The following CHKA variants were observed in gnomAD, a reference collection of about 807,000 sequenced individuals.
CHKA encodes CHETK-alpha.
A neutral mutation model predicts 60.1 loss-of-function variants in CHKA; 34 were observed. The observed-to-expected ratio is 0.57, with a 90% CI of 0.43 to 0.75. CHKA has a LOEUF of 0.75. CHKA is among the 30% of genes least tolerant of loss of function. CHKA has a pLI of 0.00. For synonymous variants in CHKA, 217 were observed against 223.1 expected, an observed-to-expected ratio of 0.97 and a Z score of 0.24; for missense variants, 563 against 561.3, an observed-to-expected ratio of 1.00 and a Z score of -0.03.
At chr11:68,086,911 G>A (rs1210044570) in intron 2 of CHKA, among the ~76,000 whole-genome samples, 6 of 152,160 alleles carry the variant, frequency 3.9e-5, no homozygotes, top group South Asian at 2.1e-4. Context: ...GCGTGAACCC[G>A]GGAGGCGGAG....
At chr11:68,107,986 A>G (rs1373857936) in intron 1 of CHKA, among the ~76,000 whole-genome samples, 1 of 152,228 alleles carries the variant, frequency 6.6e-6, no homozygotes, top group East Asian at 1.9e-4. Context: ...CCCACCACGC[A>G]GCAGAACGAG....
At chr11:68,061,805 T>G in intron 11 of CHKA, 148 bp downstream of exon 11, 1 of 685,928 alleles carries the variant, frequency 1.5e-6, no homozygotes, top group East Asian at 2.9e-5. Flanking sequence ...ACTGTCCTGA[T>G]GCCACCAGGT....
At chr11:68,098,271 C>A (rs1331168336) in intron 1 of CHKA, among the ~76,000 whole-genome samples, 54 of 120,706 alleles carry the variant, frequency 4.5e-4, no homozygotes, top group African/African-American at 5.5e-4. Flanking sequence ...ACTCCTATCT[C>A]AAAAAAAAAA....
chr11:68,081,978 C>T (rs1857003119), intron 2 of CHKA: 1 of 152,406 alleles, frequency 6.6e-6, no homozygotes, highest in Non-Finnish European at 1.5e-5. Context: ...TGCCGACTCG[C>T]CACTTTCCCA....
Position 68,120,804 on chromosome 11 carries a change from GC to G in CHKA, c.350+23del. ...CCCCGCGTCACCTGACTGTCCCGCG[GC>G]CCCCAGACCCGGCGCCACCGACCTG... is the stretch of plus-strand genomic sequence containing the variant. On this transcript the variant is annotated intron_variant, in intron 1 of 11. Transcript: ENST00000265689. 1.8e-5 allele frequency: 22 copies of G among 1,190,756 alleles called. No individual in the cohort carries two copies. The South Asian group carries it at 2.4e-4, about 13-fold the overall frequency. 73.8% of individuals were successfully genotyped at this position (1,190,756 alleles called of 1,614,324 possible). A position where few individuals can be genotyped will look rare whatever the true frequency, so the allele number is the denominator to read the frequency against.
chr11:68,115,143 T>C (rs1377467884), intron 1 of CHKA, among the ~76,000 whole-genome samples: 1 of 152,236 alleles, frequency 6.6e-6, no homozygotes, highest in Non-Finnish European at 1.5e-5. Flanking sequence ...TTAGATTACT[T>C]TGCCCAACTG....
chr11:68,085,848 C>T (rs1014288974), intron 2 of CHKA, among the ~76,000 whole-genome samples: 26 of 152,038 alleles, frequency 1.7e-4, no homozygotes, highest in African/African-American at 6.3e-4. Context: ...ACTGCAACCT[C>T]CACCTCCTGG....
In CHKA at chr11:68,081,096, C is replaced by T. The variant is rs142563177; in HGVS notation, c.516+308G>A. Among the ~76,000 whole-genome samples the T allele has an allele frequency of 1.6e-3, 248 of 152,266 alleles. 1 individual carries two copies. Among genetic ancestry groups the T allele is most frequent in the African/African-American group, 5.7e-3 (239 of 41,576 alleles). The stretch of plus-strand genomic sequence containing the variant: ...GCATCACAGCAGCGGCAGCCAGGGC[C>T]TCCTCATCAGGTACCACACACGAAT... On this transcript the variant is annotated intron_variant, in intron 3 of 11. Transcript: ENST00000265689.
At chr11:68,090,761 A>G (rs1340233516) in intron 2 of CHKA, among the ~76,000 whole-genome samples, 1 of 152,182 alleles carries the variant, frequency 6.6e-6, no homozygotes, top group Admixed American at 6.5e-5. Context: ...AAACAAACAA[A>G]AACAATTTTC....
chr11:68,063,126 A>G (rs745921590), intron 10 of CHKA, among the ~76,000 whole-genome samples: 7 of 152,234 alleles, frequency 4.6e-5, no homozygotes, highest in Non-Finnish European at 8.8e-5. Flanking sequence ...ACCGATAAAC[A>G]TAAGTTTAAT....
chr11:68,060,509 C>T (rs747321089), intron 11 of CHKA, among the ~76,000 whole-genome samples: 2 of 152,126 alleles, frequency 1.3e-5, no homozygotes, highest in Admixed American at 1.3e-4. Context: ...TAGAGTTTCA[C>T]CATATTGGTT....
intron 1 of CHKA, among the ~76,000 whole-genome samples, chr11:68,119,603 G>A (rs1046230136): frequency 2.0e-5 from 3 of 152,102 alleles, no homozygotes; most frequent in Non-Finnish European, 4.4e-5. Flanking sequence ...CCAAGTAGCT[G>A]GGACTACAGG....
rs764853533 is a variant in CHKA at position 68,070,293 on chromosome 11, C to A, written c.765G>T (p.Lys255Asn). The A allele has an allele frequency of 6.2e-7, 1 of 1,600,150 alleles. No homozygotes were observed. The highest frequency in any genetic ancestry group is 8.6e-7 in the Non-Finnish European group (1 of 1,168,262). Residue 255 changes from lysine to asparagine, a missense_variant and splice_region_variant, in exon 6 of 12, where the codon AAG (lysine) becomes AAT (asparagine). Coordinates refer to ENST00000265689, the MANE Select transcript of CHKA (RefSeq NM_001277.3). ...EPKWLFGTME[K>N]YLKEVLRIKF... Reference sequence around the variant, plus strand: ...TAATTCTCAGCACTTCCTTTAGATACCTATTAAAAAATTTTCAAAAAAGAA... The same window carrying A: ...TAATTCTCAGCACTTCCTTTAGATAACTATTAAAAAATTTTCAAAAAAGAA...
intron 2 of CHKA, among the ~76,000 whole-genome samples, chr11:68,084,809 G>A (rs1019862179): frequency 1.3e-5 from 2 of 152,070 alleles, no homozygotes; most frequent in African/African-American, 2.4e-5. Flanking sequence ...AAAGATGGAA[G>A]AAGACTGGCT....
At position 68,081,405 on chromosome 11, in the gene CHKA, T is replaced by G. The variant is rs1474751442; in HGVS notation, c.515A>C (p.Gln172Pro). ...ATGCAGAAAGACTGAATTACTTACT[T>G]GAAATTCATTTTCTTTCTGAGCTTG... Reference protein sequence around the residue: ...SEQAQKENEFQGAEAMVLESV... With the variant: ...SEQAQKENEFPGAEAMVLESV... Residue 172 changes from glutamine to proline, a missense_variant and splice_region_variant, in exon 3 of 12, where the codon CAA becomes CCA. Coordinates refer to ENST00000265689, the MANE Select transcript of CHKA (RefSeq NM_001277.3). The G allele has an allele frequency of 4.0e-5, 65 of 1,612,510 alleles. No homozygotes were observed. Among genetic ancestry groups the G allele is most frequent in the Non-Finnish European group, 5.1e-5 (60 of 1,178,676 alleles).
intron 2 of CHKA, among the ~76,000 whole-genome samples, chr11:68,086,043 G>A (rs1857167372): frequency 6.6e-6 from 1 of 152,164 alleles, no homozygotes; most frequent in South Asian, 2.1e-4. Flanking sequence ...GGCCAGGCAC[G>A]GTGGCTCACG....
intron 4 of CHKA, 89 bp from the exon 5 acceptor site, chr11:68,070,946 T>G: frequency 7.5e-7 from 1 of 1,337,030 alleles, no homozygotes; most frequent in Non-Finnish European, 1.0e-6. Context: ...AGAAGTGTTT[T>G]TGTAGTGCAT....
At chr11:68,072,850 C>T (rs1856665887) in intron 4 of CHKA, among the ~76,000 whole-genome samples, 1 of 152,020 alleles carries the variant, frequency 6.6e-6, no homozygotes, top group South Asian at 2.1e-4. Flanking sequence ...TTTTAATAAG[C>T]TGGGTGTGCT....
At chr11:68,062,176 C>T (rs905641076) in intron 10 of CHKA, 142 bp from the exon 11 acceptor site, 27 of 633,298 alleles carry the variant, frequency 4.3e-5, no homozygotes, top group Non-Finnish European at 6.8e-5. Flanking sequence ...GTCTATATTC[C>T]ACGGGACTAA....
Sources: gnomAD v4.1 joint callset for allele counts (sites outside exome capture counted in the v4.1 genomes callset) on GRCh38, gnomAD v4.1.1 for gene constraint, MANE v1.5 for transcripts, NCBI Gene and HGNC (gene_info 2026-07-23, HGNC 2026-07-21) for gene names.